PPP1CB: variants seen among roughly 807,000 people sequenced by gnomAD.
PPP1CB encodes protein phosphatase 1 catalytic subunit beta.
Under a neutral mutation model 43.7 loss-of-function variants are expected in PPP1CB, and 2 were observed. The observed-to-expected ratio is 0.05, with a 90% CI of 0.02 to 0.14. The LOEUF (loss-of-function observed/expected upper bound fraction) is 0.14. Among genes scored for constraint, PPP1CB ranks in the 10% least tolerant of loss-of-function variants. PPP1CB has a pLI of 1.00. For synonymous variants in PPP1CB, 136 were observed against 135.6 expected (o/e 1.00, Z -0.02); for missense variants, 84 against 398.0 (o/e 0.21, Z 6.71).
At chr2:28,783,572 A>G (rs536535659) in intron 4 of PPP1CB, among the ~76,000 whole-genome samples, 33 of 152,250 alleles carry the variant, frequency 2.2e-4, no homozygotes, top group African/African-American at 7.2e-4. Context: ...CCTGGCCAAC[A>G]TGGTGAAACC....
chr2:28,784,006 T>A, intron 5 of PPP1CB, 28 bp downstream of exon 5: 2 of 1,521,222 alleles, frequency 1.3e-6, no homozygotes, highest in Admixed American at 1.7e-5. Context: ...TTTAATTGTT[T>A]TGTGTAAAGT....
intron 1 of PPP1CB, among the ~76,000 whole-genome samples, chr2:28,773,857 C>T (rs1302130352): frequency 6.6e-6 from 1 of 152,182 alleles, no homozygotes; most frequent in East Asian, 1.9e-4. Flanking sequence ...CATTCATCAA[C>T]TCTTAAGATG....
intron 1 of PPP1CB, among the ~76,000 whole-genome samples, chr2:28,756,352 TTTG>T (rs1666488885): frequency 6.6e-6 from 1 of 152,228 alleles, no homozygotes; most frequent in Non-Finnish European, 1.5e-5. Context: ...TTGTACCTGT[TTTG>T]TTTTTTAAAT....
chr2:28,751,909 T>G lies in PPP1CB; in HGVS notation c.-216T>G. On this transcript the variant is annotated 5_prime_UTR_variant, in exon 1 of 8. Transcript: ENST00000395366. ...CCTGTTCGAGGGGGCCTCTCTTGTT[T>G]ATTTATTTATTTTCCGTGGGTGCCT... 1 of 584,752 alleles carries G rather than the reference T, an allele frequency of 1.7e-6. No homozygotes were observed. Among genetic ancestry groups the G allele is most frequent in the East Asian group, 3.2e-5 (1 of 31,548 alleles). 36.2% of individuals were successfully genotyped at this position (584,752 alleles called of 1,614,324 possible).
chr2:28,787,189 G>A (rs1667286708), intron 5 of PPP1CB, among the ~76,000 whole-genome samples: 2 of 152,112 alleles, frequency 1.3e-5, no homozygotes, highest in South Asian at 4.1e-4. Context: ...GCTGGGCGCG[G>A]TGGCTCACAC....
In PPP1CB at chr2:28,785,065, C is replaced by CTTTTTTTTT. The variant is rs769650329; in HGVS notation, c.592+1107_592+1115dup. Among the ~76,000 whole-genome samples, 93 of 54,996 alleles carry CTTTTTTTTT rather than the reference C, an allele frequency of 1.7e-3. 18 individuals carry two copies. Among genetic ancestry groups the CTTTTTTTTT allele is most frequent in the African/African-American group, 4.0e-3 (48 of 12,062 alleles). The allele number at this position is 54,996 out of a possible 152,430, so 36.1% of individuals were successfully genotyped here. A position where few individuals can be genotyped will look rare whatever the true frequency, so the allele number is the denominator to read the frequency against. ...ATGTTGTAATAAATTGTGTTAGGAG[C>CTTTTTTTTT]TTTTTTTTTTTTTTTTTTTTTTTTT... is the stretch of plus-strand genomic sequence containing the variant. On this transcript the variant is annotated intron_variant, in intron 5 of 7. Coordinates refer to ENST00000395366, the MANE Select transcript of PPP1CB (RefSeq NM_002709.3).
intron 1 of PPP1CB, among the ~76,000 whole-genome samples, chr2:28,775,824 C>T (rs1309147708): frequency 2.0e-5 from 3 of 152,138 alleles, no homozygotes; most frequent in Non-Finnish European, 2.9e-5. Flanking sequence ...TCTTCTGTCT[C>T]TCCATGCAAC....
intron 1 of PPP1CB, among the ~76,000 whole-genome samples, chr2:28,772,852 A>G (rs1318835806): frequency 3.9e-5 from 6 of 152,158 alleles, no homozygotes; most frequent in African/African-American, 7.2e-5. Flanking sequence ...TCGGTTTTGG[A>G]GCATTTTGGA....
At chr2:28,797,107 C>A (rs1303010018) in intron 7 of PPP1CB, among the ~76,000 whole-genome samples, 1 of 152,040 alleles carries the variant, frequency 6.6e-6, no homozygotes, top group Non-Finnish European at 1.5e-5. Flanking sequence ...AAACCTTGCA[C>A]CCCAGGAATA....
intron 6 of PPP1CB, among the ~76,000 whole-genome samples, chr2:28,793,200 C>T (rs1198440535): frequency 6.6e-6 from 1 of 151,924 alleles, no homozygotes; most frequent in African/African-American, 2.4e-5. Flanking sequence ...AGCAATATTC[C>T]ATCTCAAAAA....
rs1485006019 is a variant in PPP1CB at position 28,799,865 on chromosome 2, T to C, written c.*562T>C. On this transcript the variant is annotated 3_prime_UTR_variant, in exon 8 of 8. Transcript: ENST00000395366. ...CTTACTAAGAAAACTTTCGCCTCATTACATTAAAAAGGAATTTTAGAGATT... is the reference window on the plus strand; with the variant it reads ...CTTACTAAGAAAACTTTCGCCTCATCACATTAAAAAGGAATTTTAGAGATT... 7 of 152,480 alleles carry C rather than the reference T, an allele frequency of 4.6e-5. No homozygotes were observed. 9.4% of individuals were successfully genotyped at this position (152,480 alleles called of 1,614,324 possible). A position where few individuals can be genotyped will look rare whatever the true frequency, so the allele number is the denominator to read the frequency against.
intron 6 of PPP1CB, among the ~76,000 whole-genome samples, chr2:28,790,829 T>C (rs1572468206): frequency 6.6e-6 from 1 of 152,222 alleles, no homozygotes; most frequent in Admixed American, 6.5e-5. Context: ...ATGAAAAGTA[T>C]TGAATTAGGC....
At chr2:28,769,308 C>G (rs1251329872) in intron 1 of PPP1CB, among the ~76,000 whole-genome samples, 2 of 152,174 alleles carry the variant, frequency 1.3e-5, no homozygotes, top group African/African-American at 4.8e-5. Flanking sequence ...GTGATCTTGG[C>G]TAACTGCAAC....
Position 28,755,329 on chromosome 2 carries a change from C to T in PPP1CB, c.52+3153C>T, listed in dbSNP as rs145804441. 4.5e-3 allele frequency among the ~76,000 whole-genome samples: 682 copies of T among 152,300 alleles called. 9 individuals are homozygous for T. Among genetic ancestry groups the T allele is most frequent in the African/African-American group, 0.013 (531 of 41,558 alleles). On this transcript the variant is annotated intron_variant, in intron 1 of 7. Transcript: ENST00000395366. ...TGCTGGGATTACAGGCATGTGCCAC[C>T]GCGCCTGACCTTGATATGATATTTT...
At position 28,799,257 on chromosome 2, in the gene PPP1CB, G is replaced by A; in HGVS notation, c.938G>A (p.Arg313His). Reference protein sequence around the residue: ...KYQYGGLNSGRPVTPPRTANP... With the variant: ...KYQYGGLNSGHPVTPPRTANP... ...CAGTATGGTGGACTGAATTCTGGAC[G>A]TCCTGTCACTCCACCTCGAACAGCT... The change falls in exon 8 of 8, where the codon CGT becomes CAT. Residue 313 changes from arginine (R) to histidine (H), a missense_variant. Physicochemically the swap from Arg to His is conservative, Grantham distance 29. This residue lies in a region of PPP1CB where 14 missense variants were observed against 30.9 expected (regional missense o/e 0.45). Transcript: ENST00000395366. The A allele has an allele frequency of 2.5e-6, 4 of 1,611,258 alleles. No homozygotes were observed. The highest frequency in any genetic ancestry group is 3.4e-6 in the Non-Finnish European group (4 of 1,177,504).
intron 6 of PPP1CB, among the ~76,000 whole-genome samples, chr2:28,790,875 A>G (rs1209882838): frequency 6.6e-6 from 1 of 152,198 alleles, no homozygotes; most frequent in Non-Finnish European, 1.5e-5. Context: ...AGTCGTCTTT[A>G]TCTACTTTTG....
intron 3 of PPP1CB, among the ~76,000 whole-genome samples, chr2:28,780,490 A>G (rs1323413646): frequency 6.6e-6 from 1 of 152,246 alleles, no homozygotes; most frequent in Non-Finnish European, 1.5e-5. Context: ...AAATCAGACT[A>G]GCAGAGAGAA....
chr2:28,760,077 A>G (rs1379230786), intron 1 of PPP1CB, among the ~76,000 whole-genome samples: 1 of 152,186 alleles, frequency 6.6e-6, no homozygotes, highest in Non-Finnish European at 1.5e-5. Flanking sequence ...GAGGCGGAAT[A>G]TAGTGTTACT....
rs139704811 is a variant in PPP1CB at position 28,766,824 on chromosome 2, G to A, written c.53-10027G>A. Among the ~76,000 whole-genome samples the A allele has an allele frequency of 3.8e-3, 572 of 152,310 alleles. 6 individuals carry two copies. Among genetic ancestry groups the A allele is most frequent in the African/African-American group, 0.013 (542 of 41,572 alleles). On this transcript the variant is annotated intron_variant, in intron 1 of 7. Transcript: ENST00000395366. ...TCAGCTGGGGTGGTGGCTCACGCCT[G>A]TAATCCCAGCACTTTGGGAGGCCAA...
Sources: allele counts gnomAD v4.1 joint callset (sites outside exome capture counted in the v4.1 genomes callset), GRCh38; gene constraint gnomAD v4.1.1; regional missense constraint gnomAD v4.1.1; transcripts MANE v1.5; gene names NCBI Gene and HGNC (gene_info 2026-07-23, HGNC 2026-07-21).